Variants in NYNRIN observed in about 807,000 individuals in gnomAD.
The protein encoded by NYNRIN is protein NYNRIN.
Under a neutral mutation model 146.6 loss-of-function variants are expected in NYNRIN, and 86 were observed. That is an observed-to-expected ratio of 0.59 (90% CI 0.49 to 0.70). The LOEUF is 0.70. Among genes scored for constraint, NYNRIN ranks in the 30% least tolerant of loss-of-function variants. NYNRIN has a pLI of 0.00. For synonymous variants in NYNRIN, 1,027 were observed against 1,001.3 expected, an observed-to-expected ratio of 1.03 and a Z score of -0.48; for missense variants, 2,191 against 2,377.7, an observed-to-expected ratio of 0.92 and a Z score of 1.63.
chr14:24,415,577 G>A lies in NYNRIN; in HGVS notation c.3828G>A (p.Gln1276=), dbSNP rs747649283. The A allele has an allele frequency of 1.2e-6, 2 of 1,613,968 alleles. No homozygotes were observed. Among genetic ancestry groups the A allele is most frequent in the Non-Finnish European group, 1.7e-6 (2 of 1,179,886 alleles). The change falls in exon 9 of 9, where the codon CAG becomes CAA. Residue 1276 remains glutamine, a synonymous_variant. Coordinates refer to ENST00000382554, the MANE Select transcript of NYNRIN (RefSeq NM_025081.3). ...GKRALELALL[Q]GLLGENRLLT... is the part of the protein sequence containing the mutation. ...GGGCCCTGGAATTGGCCCTCCTCCA[G>A]GGCCTGCTGGGGGAGAACCGCCTGC...
At position 24,415,935 on chromosome 14, in the gene NYNRIN, G is replaced by A; in HGVS notation, c.4186G>A (p.Gly1396Ser). ...WELLPLWRAR[G>S]FLSSDGAPLP... is the part of the protein sequence containing the mutation. Reference sequence around the variant, plus strand: ...GCTCCTGCCCCTCTGGAGGGCTCGGGGCTTCCTCTCCTCTGATGGGGCTCC... The same window carrying A: ...GCTCCTGCCCCTCTGGAGGGCTCGGAGCTTCCTCTCCTCTGATGGGGCTCC... The change falls in exon 9 of 9, where the codon GGC (glycine) becomes AGC (serine). Residue 1396 changes from glycine to serine, a missense_variant. This residue lies in a region of NYNRIN where 1,291 missense variants were observed against 1,417.0 expected (regional missense o/e 0.91). Coordinates refer to ENST00000382554, the MANE Select transcript of NYNRIN (RefSeq NM_025081.3). 6.2e-7 allele frequency: 1 copy of A among 1,613,814 alleles called. No homozygotes were observed. Among genetic ancestry groups the A allele is most frequent in the Non-Finnish European group, 8.5e-7 (1 of 1,179,882 alleles).
Position 24,410,250 on chromosome 14 carries a change from A to G in NYNRIN, c.2414+42A>G, listed in dbSNP as rs763905897. 6.0e-6 allele frequency: 9 copies of G among 1,492,802 alleles called. No individual in the cohort carries two copies. The East Asian group carries it at 1.8e-4, about 30-fold the overall frequency. 92.5% of individuals were successfully genotyped at this position (1,492,802 alleles called of 1,614,324 possible). ...GTGGGGTGGGCTGGGGATGCTGTGG[A>G]CCTGGGGCAGGGCATCCCTGGGGGA... On this transcript the variant is annotated intron_variant, in intron 4 of 8. Coordinates refer to ENST00000382554, the MANE Select transcript of NYNRIN (RefSeq NM_025081.3).
Position 24,417,370 on chromosome 14 carries a change from G to A in NYNRIN, c.5621G>A (p.Cys1874Tyr), listed in dbSNP as rs1198353487. 3 of 1,591,008 alleles carry A rather than the reference G, an allele frequency of 1.9e-6. No homozygotes were observed. The highest frequency in any genetic ancestry group is 1.1e-5 in the South Asian group (1 of 88,508). The change falls in exon 9 of 9, where the codon TGC becomes TAC. Residue 1874 changes from cysteine to tyrosine, a missense_variant. Coordinates refer to ENST00000382554, the MANE Select transcript of NYNRIN (RefSeq NM_025081.3). ...WGFPTPEKLG[C>Y]IYPSSLMKAF... ...TTCCCAACCCCAGAGAAGCTGGGGT[G>A]CATCTATCCCAGCAGTCTGATGAAG... is the stretch of plus-strand genomic sequence containing the variant.
chr14:24,414,357 G>GT (rs962476936), intron 8 of NYNRIN, among the ~76,000 whole-genome samples: 1 of 152,244 alleles, frequency 6.6e-6, no homozygotes, highest in Non-Finnish European at 1.5e-5. Flanking sequence ...GGTCAGTGAA[G>GT]TTTTGATTGG....
chr14:24,403,017 A>G (rs1487548285), intron 2 of NYNRIN, among the ~76,000 whole-genome samples: 1 of 152,210 alleles, frequency 6.6e-6, no homozygotes, highest in Non-Finnish European at 1.5e-5. Context: ...GTTTGCTGCT[A>G]TCTTTTTTTG....
intron 2 of NYNRIN, among the ~76,000 whole-genome samples, chr14:24,406,452 T>C (rs1422895540): frequency 6.6e-6 from 1 of 152,104 alleles, no homozygotes; most frequent in Non-Finnish European, 1.5e-5. Context: ...TGCTAGGCAG[T>C]GGGACCAGAT....
chr14:24,414,606 G>T lies in NYNRIN; in HGVS notation c.2857G>T (p.Asp953Tyr). Residue 953 changes from aspartate to tyrosine, a missense_variant, in exon 9 of 9, where the codon GAC becomes TAC. Physicochemically the swap from Asp to Tyr is radical, Grantham distance 160. This residue lies in a region of NYNRIN where 1,291 missense variants were observed against 1,417.0 expected (regional missense o/e 0.91). Coordinates refer to ENST00000382554, the MANE Select transcript of NYNRIN (RefSeq NM_025081.3). ...FLKKPNRLDT[D>Y]IGNFLKVWKT... is the part of the protein sequence containing the mutation. ...TCTGTTTTGGTGTAGGTTGGACACT[G>T]ACATTGGCAACTTCCTGAAGGTGTG... is the stretch of plus-strand genomic sequence containing the variant. 1 of 1,610,906 alleles carries T rather than the reference G, an allele frequency of 6.2e-7. No homozygotes were observed. The highest frequency in any genetic ancestry group is 1.1e-5 in the South Asian group (1 of 90,742).
At chr14:24,405,048 ATGTG>A (rs1297080485) in intron 2 of NYNRIN, among the ~76,000 whole-genome samples, 1 of 103,528 alleles carries the variant, frequency 9.7e-6, no homozygotes, top group Non-Finnish European at 2.1e-5. Flanking sequence ...GTGTGTGTGA[ATGTG>A]TGTGAATGTG....
In NYNRIN at chr14:24,418,116, G is replaced by C; in HGVS notation, c.*670G>C. On this transcript the variant is annotated 3_prime_UTR_variant, in exon 9 of 9. Coordinates refer to ENST00000382554, the MANE Select transcript of NYNRIN (RefSeq NM_025081.3). The stretch of plus-strand genomic sequence containing the variant: ...ATGGCCAGCCACAAGCCACCAGCTT[G>C]TCAGCATGGGAAGGGCAAGGGGGAA... 1 of 375,676 alleles carries C rather than the reference G, an allele frequency of 2.7e-6. No homozygotes were observed. 23.3% of individuals were successfully genotyped at this position (375,676 alleles called of 1,614,324 possible). A position where few individuals can be genotyped will look rare whatever the true frequency, so the allele number is the denominator to read the frequency against.
Position 24,410,043 on chromosome 14 carries a change from G to A in NYNRIN, c.2249G>A (p.Gly750Glu). Residue 750 changes from glycine (G) to glutamate (E), a missense_variant, in exon 4 of 9, where the codon GGG becomes GAG. Gly to Glu is a moderately conservative substitution (Grantham distance 98, BLOSUM62 -2). Coordinates refer to ENST00000382554, the MANE Select transcript of NYNRIN (RefSeq NM_025081.3). ...QMEGLLGAWE[G>E]APRQPPRHLQ... ...GAGGGGCTCCTGGGGGCTTGGGAGG[G>A]GGCCCCAAGGCAGCCACCTCGCCAC... The A allele has an allele frequency of 1.2e-6, 2 of 1,613,892 alleles. No homozygotes were observed. Among genetic ancestry groups the A allele is most frequent in the Non-Finnish European group, 1.7e-6 (2 of 1,179,888 alleles).
chr14:24,416,613 G>T lies in NYNRIN; in HGVS notation c.4864G>T (p.Val1622Leu). 6.2e-7 allele frequency: 1 copy of T among 1,613,972 alleles called. No homozygotes were observed. The highest frequency in any genetic ancestry group is 8.5e-7 in the Non-Finnish European group (1 of 1,179,880). Reference protein sequence around the residue: ...APWSNLQIEVVGPVTISEEGH... With the variant: ...APWSNLQIEVLGPVTISEEGH... The stretch of plus-strand genomic sequence containing the variant: ...CTGGTCGAACCTGCAGATCGAGGTG[G>T]TGGGCCCGGTCACCATAAGTGAGGA... The change falls in exon 9 of 9, where the codon GTG becomes TTG. Residue 1622 changes from valine (V) to leucine (L), a missense_variant. Val to Leu is a conservative substitution (Grantham distance 32). Transcript: ENST00000382554.
chr14:24,408,328 G>T lies in NYNRIN; in HGVS notation c.658G>T (p.Val220Phe). The change falls in exon 3 of 9, where the codon GTT becomes TTT. Residue 220 changes from valine (V) to phenylalanine (F), a missense_variant. Around this residue, in one of 3 missense-constraint regions of NYNRIN, gnomAD observed 895 missense variants for 941.2 expected, o/e 0.95. Transcript: ENST00000382554. ...CTCTGACTCCCACTCCGATCCGGAG[G>T]TTCTAATCTGCCCTCCCCAGCAGCA... is the stretch of plus-strand genomic sequence containing the variant. ...GISDSHSDPE[V>F]LICPPQQQKE... 2 of 1,613,718 alleles carry T rather than the reference G, an allele frequency of 1.2e-6. No individual in the cohort carries two copies. The highest frequency in any genetic ancestry group is 1.7e-6 in the Non-Finnish European group (2 of 1,179,898).
chr14:24,404,095 C>G (rs1173445762), intron 2 of NYNRIN, among the ~76,000 whole-genome samples: 1 of 152,198 alleles, frequency 6.6e-6, no homozygotes, highest in Non-Finnish European at 1.5e-5. Flanking sequence ...GGCCTTCTAT[C>G]TGGACACTCA....
rs1387669485 is a variant in NYNRIN, at chr14:24,411,792, C to T, written c.2642+342C>T. ...CCCGTTTCGGTTGAGGCTCATGTCT[C>T]CAGACTGCTTTAGTCTTTTCCTCCC... On this transcript the variant is annotated intron_variant, in intron 6 of 8. Transcript: ENST00000382554. The surrounding 1 kb of genome is among the most constrained non-coding windows in gnomAD (Gnocchi z 4.3). Among the ~76,000 whole-genome samples the T allele has an allele frequency of 6.6e-6, 1 of 152,174 alleles. No homozygotes were observed. Among genetic ancestry groups the T allele is most frequent in the Admixed American group, 6.5e-5 (1 of 15,286 alleles).
In NYNRIN at chr14:24,411,122, G is replaced by A; in HGVS notation, c.2461G>A (p.Val821Met). Reference protein sequence around the residue: ...FFSCRGIAMAVQFFWNRGHRE... With the variant: ...FFSCRGIAMAMQFFWNRGHRE... Reference sequence around the variant, plus strand: ...CTCCTGCCGAGGAATTGCCATGGCAGTGCAGTTTTTCTGGAACCGGGGACA... The same window carrying A: ...CTCCTGCCGAGGAATTGCCATGGCAATGCAGTTTTTCTGGAACCGGGGACA... Residue 821 changes from valine to methionine, a missense_variant, in exon 5 of 9, where the codon GTG becomes ATG. This residue lies in a region of NYNRIN where 1,291 missense variants were observed against 1,417.0 expected (regional missense o/e 0.91). Coordinates refer to ENST00000382554, the MANE Select transcript of NYNRIN (RefSeq NM_025081.3). This position sits in a 1 kb window ranked among gnomAD's most constrained non-coding sequence, Gnocchi z 4.3. 6.2e-7 allele frequency: 1 copy of A among 1,613,434 alleles called. No homozygotes were observed. Among genetic ancestry groups the A allele is most frequent in the Non-Finnish European group, 8.5e-7 (1 of 1,179,676 alleles).
rs1421263375 is a variant in NYNRIN at position 24,411,257 on chromosome 14, C to T, written c.2545+51C>T. On this transcript the variant is annotated intron_variant, in intron 5 of 8. Coordinates refer to ENST00000382554, the MANE Select transcript of NYNRIN (RefSeq NM_025081.3). This position sits in a 1 kb window ranked among gnomAD's most constrained non-coding sequence, Gnocchi z 4.3. ...CTCCACAGTGTCACCAAGCTTTCTT[C>T]TCTCTGCCTTGCTGCCCCGACCCTC... 1.2e-6 allele frequency: 2 copies of T among 1,611,736 alleles called. No individual in the cohort carries two copies. The highest frequency in any genetic ancestry group is 3.4e-5 in the Admixed American group (2 of 59,574).
rs2042958180 is a variant in NYNRIN at position 24,417,718 on chromosome 14, G to A, written c.*272G>A. The stretch of plus-strand genomic sequence containing the variant: ...ACTGGGAAATGGAGTGCTCCTCTAG[G>A]CTATACCAGGCTCAGTGTCTTCTCC... On this transcript the variant is annotated 3_prime_UTR_variant, in exon 9 of 9. Transcript: ENST00000382554. 2 of 387,048 alleles carry A rather than the reference G, an allele frequency of 5.2e-6. No individual in the cohort carries two copies. Among genetic ancestry groups the A allele is most frequent in the South Asian group, 6.7e-5 (1 of 14,950 alleles). The allele number at this position is 387,048 out of a possible 1,614,324, so 24.0% of individuals were successfully genotyped here.
At position 24,407,936 on chromosome 14, in the gene NYNRIN, G is replaced by A; in HGVS notation, c.266G>A (p.Cys89Tyr). The A allele has an allele frequency of 6.2e-7, 1 of 1,614,000 alleles. No individual in the cohort carries two copies. The highest frequency in any genetic ancestry group is 8.5e-7 in the Non-Finnish European group (1 of 1,179,858). The change falls in exon 3 of 9, where the codon TGT becomes TAT. Residue 89 changes from cysteine (C) to tyrosine (Y), a missense_variant. Coordinates refer to ENST00000382554, the MANE Select transcript of NYNRIN (RefSeq NM_025081.3). ...KEVRYPPILH[C>Y]AFLGAQGLFL... The stretch of plus-strand genomic sequence containing the variant: ...GTTCGCTACCCACCGATCCTGCACT[G>A]TGCCTTCCTTGGGGCCCAAGGCCTC...
Position 24,416,891 on chromosome 14 carries a change from G to A in NYNRIN, c.5142G>A (p.Thr1714=), listed in dbSNP as rs370103462. ...LSRDLQFPCL[T]SSGAYWEFKR... ...GGGACCTCCAGTTCCCCTGCCTGACGAGCTCAGGGGCCTACTGGGAATTCA... is the reference window on the plus strand; with the variant it reads ...GGGACCTCCAGTTCCCCTGCCTGACAAGCTCAGGGGCCTACTGGGAATTCA... The change falls in exon 9 of 9, where the codon ACG becomes ACA. Residue 1714 remains threonine, a synonymous_variant. Transcript: ENST00000382554. 48 of 1,606,048 alleles carry A rather than the reference G, an allele frequency of 3.0e-5. No homozygotes were observed. Among genetic ancestry groups the A allele is most frequent in the African/African-American group, 1.1e-4 (8 of 74,886 alleles).
Sources: gnomAD v4.1 joint callset for allele counts (sites outside exome capture counted in the v4.1 genomes callset) on GRCh38, gnomAD v4.1.1 for gene constraint, gnomAD v4.1.1 regional missense constraint, Gnocchi (gnomAD v3.1) non-coding constraint, MANE v1.5 for transcripts, NCBI Gene and HGNC (gene_info 2026-07-23, HGNC 2026-07-21) for gene names.